Variants in GRM8 observed in about 807,000 individuals in gnomAD.
GRM8 encodes the protein metabotropic glutamate receptor 8.
Under a neutral mutation model 87.2 loss-of-function variants are expected in GRM8, and 47 were observed. The ratio of observed to expected loss-of-function variants is 0.54; its 90% CI spans 0.43 to 0.69. The LOEUF (loss-of-function observed/expected upper bound fraction) is 0.69, where lower values mean the gene tolerates loss of function less well. Among genes scored for constraint, GRM8 ranks in the 30% least tolerant of loss-of-function variants. GRM8 has a pLI of 0.00. For missense variants in GRM8, 1,019 were observed against 1,139.2 expected, an observed-to-expected ratio of 0.89 and a Z score of 1.52; for synonymous variants, 396 against 404.5, an observed-to-expected ratio of 0.98 and a Z score of 0.25.
chr7:126,471,362 T>C (rs897524003), intron 9 of GRM8, among the ~76,000 whole-genome samples: 2 of 152,152 alleles, frequency 1.3e-5, no homozygotes, highest in African/African-American at 4.8e-5. Context: ...TGAATTAATT[T>C]GTGTATAAGG....
At chr7:126,820,193 A>T (rs2130139462) in intron 6 of GRM8, among the ~76,000 whole-genome samples, 1 of 152,370 alleles carries the variant, frequency 6.6e-6, no homozygotes, top group Non-Finnish European at 1.5e-5. Context: ...CAAAACTGAA[A>T]ATAAAATATT....
At position 126,694,659 on chromosome 7, in the gene GRM8, G is replaced by GA. The variant is rs1177153496; in HGVS notation, c.1357+75205dup. Among the ~76,000 whole-genome samples, 14 of 152,198 alleles carry GA rather than the reference G, an allele frequency of 9.2e-5. No individual in the cohort carries two copies. In the East Asian group the frequency reaches 2.7e-3, roughly 29 times the overall value. ...GTGATCAAGAAAGCTCTTGAGTGTT[G>GA]AAATATACTAAGTCTTATTTTAGAT... is the stretch of plus-strand genomic sequence containing the variant. On this transcript the variant is annotated intron_variant, in intron 7 of 10. Transcript: ENST00000339582.
intron 3 of GRM8, among the ~76,000 whole-genome samples, chr7:127,004,218 A>C (rs1009547269): frequency 6.6e-6 from 1 of 151,672 alleles, no homozygotes; most frequent in Non-Finnish European, 1.5e-5. Context: ...ATATGAATTC[A>C]ATTACTATAG....
intron 2 of GRM8, among the ~76,000 whole-genome samples, chr7:127,210,860 C>G (rs1796172405): frequency 6.6e-6 from 1 of 152,156 alleles, no homozygotes; most frequent in Non-Finnish European, 1.5e-5. Context: ...CATATAGGTA[C>G]CAAGGTACTA....
At chr7:126,656,407 A>G (rs1475303704) in intron 7 of GRM8, among the ~76,000 whole-genome samples, 2 of 152,190 alleles carry the variant, frequency 1.3e-5, no homozygotes, top group East Asian at 3.9e-4. Flanking sequence ...GGCCAGGCAC[A>G]GTGGCTCACT....
At chr7:126,753,402 A>C (rs1387416827) in intron 7 of GRM8, among the ~76,000 whole-genome samples, 1 of 142,816 alleles carries the variant, frequency 7.0e-6, no homozygotes, top group Admixed American at 7.1e-5. Flanking sequence ...ATATATATAG[A>C]TAGATAGACA....
chr7:126,464,946 T>C (rs958223825), intron 9 of GRM8, among the ~76,000 whole-genome samples: 2 of 151,800 alleles, frequency 1.3e-5, no homozygotes, highest in Non-Finnish European at 2.9e-5. Flanking sequence ...AATTACAGTA[T>C]TATAATAGTC....
intron 7 of GRM8, among the ~76,000 whole-genome samples, chr7:126,757,521 A>G (rs1817147536): frequency 6.6e-6 from 1 of 152,246 alleles, no homozygotes; most frequent in Non-Finnish European, 1.5e-5. Flanking sequence ...AGGATTGAGT[A>G]TAAATTGTAC....
chr7:127,238,976 A>G (rs1798138225), intron 2 of GRM8, among the ~76,000 whole-genome samples: 2 of 152,206 alleles, frequency 1.3e-5, no homozygotes, highest in South Asian at 4.1e-4. Flanking sequence ...TGACTTAAAC[A>G]CAGACATACT....
At chr7:127,186,849 C>T (rs1192065006) in intron 2 of GRM8, among the ~76,000 whole-genome samples, 1 of 152,172 alleles carries the variant, frequency 6.6e-6, no homozygotes, top group African/African-American at 2.4e-5. Context: ...TCTCCTTGCC[C>T]TTTACACATA....
chr7:126,917,508 C>G (rs1804041395), intron 3 of GRM8, among the ~76,000 whole-genome samples: 2 of 152,104 alleles, frequency 1.3e-5, no homozygotes, highest in African/African-American at 2.4e-5. Context: ...TACTATTTCA[C>G]TAATGTTTTA....
At chr7:127,146,582 T>A (rs1587133087) in intron 2 of GRM8, among the ~76,000 whole-genome samples, 1 of 152,162 alleles carries the variant, frequency 6.6e-6, no homozygotes, top group East Asian at 1.9e-4. Flanking sequence ...AACTGAGAAT[T>A]CTGAAGAATA....
intron 9 of GRM8, among the ~76,000 whole-genome samples, chr7:126,461,197 A>C (rs149803825): frequency 6.6e-6 from 1 of 151,638 alleles, no homozygotes; most frequent in East Asian, 2.0e-4. Context: ...GAATAAGGAC[A>C]GCAGATTACT....
chr7:127,083,084 A>G (rs1823042742), intron 3 of GRM8, among the ~76,000 whole-genome samples: 1 of 152,158 alleles, frequency 6.6e-6, no homozygotes, highest in African/African-American at 2.4e-5. Context: ...TTGTCCACAT[A>G]CCTTGTGCAA....
chr7:126,926,645 C>T (rs550980374), intron 3 of GRM8, among the ~76,000 whole-genome samples: 4 of 152,312 alleles, frequency 2.6e-5, no homozygotes, highest in South Asian at 4.1e-4. Flanking sequence ...CTGAACTTCA[C>T]GGCATAGCAC....
chr7:127,166,442 T>C (rs1793457321), intron 2 of GRM8, among the ~76,000 whole-genome samples: 1 of 152,092 alleles, frequency 6.6e-6, no homozygotes, highest in Non-Finnish European at 1.5e-5. Context: ...TTAATAAACC[T>C]CGTTTCTGAA....
chr7:126,829,120 A>G (rs560844224), intron 6 of GRM8, among the ~76,000 whole-genome samples: 1 of 151,250 alleles, frequency 6.6e-6, no homozygotes, highest in South Asian at 2.1e-4. Context: ...CTTTACTTCC[A>G]ACTATGCGGT....
intron 8 of GRM8, among the ~76,000 whole-genome samples, chr7:126,585,542 ACATAATCCCG>A (rs1796022718): frequency 6.6e-6 from 1 of 152,232 alleles, no homozygotes; most frequent in African/African-American, 2.4e-5. Context: ...AAATCAATAA[ACATAATCCCG>A]CATATAAACA....
intron 6 of GRM8, among the ~76,000 whole-genome samples, chr7:126,794,449 A>T (rs536233430): frequency 6.6e-6 from 1 of 152,282 alleles, no homozygotes; most frequent in African/African-American, 2.4e-5. Context: ...CCAATTCAGA[A>T]GATAAATGTA....
Sources: allele counts gnomAD v4.1 joint callset (sites outside exome capture counted in the v4.1 genomes callset), GRCh38; gene constraint gnomAD v4.1.1; transcripts MANE v1.5; gene names NCBI Gene and HGNC (gene_info 2026-07-23, HGNC 2026-07-21).